The following KIF13B variants were observed in gnomAD, a reference collection of about 807,000 sequenced individuals.
KIF13B encodes kinesin family member 13B.
A neutral mutation model predicts 222.0 loss-of-function variants in KIF13B; 127 were observed. That is an observed-to-expected ratio of 0.57 (90% confidence interval 0.50 to 0.66). KIF13B has a LOEUF of 0.66. KIF13B is among the 30% of genes least tolerant of loss of function. The pLI is 0.00. For synonymous variants in KIF13B, 976 were observed against 919.0 expected (o/e 1.06, Z -1.12); for missense variants, 2,173 against 2,379.0 (o/e 0.91, Z 1.80).
At chr8:29,116,459 ACT>A (rs1221095988) in intron 31 of KIF13B, among the ~76,000 whole-genome samples, 1 of 151,554 alleles carries the variant, frequency 6.6e-6, no homozygotes, top group Non-Finnish European at 1.5e-5. Context: ...ACAGAGCAAG[ACT>A]CTATCTTAAA....
rs746177089 is a variant in KIF13B, at chr8:29,092,774, C to T, written c.4429G>A (p.Gly1477Ser). 33 of 1,613,304 alleles carry T rather than the reference C, an allele frequency of 2.0e-5. No individual in the cohort carries two copies. The highest frequency in any genetic ancestry group is 2.8e-5 in the Non-Finnish European group (33 of 1,179,714). ...SLFPVRDEKR[G>S]KRPSPLAHQP... ...TGTGCGAGGGGAGACGGCCGCTTGC[C>T]CCTCTTCTCATCGCGGACGGGAAAG... The change falls in exon 37 of 40, where the codon GGC becomes AGC. Residue 1477 changes from glycine (G) to serine (S), a missense_variant. Gly to Ser is a moderately conservative substitution (Grantham distance 56). Transcript: ENST00000524189.
intron 2 of KIF13B, 131 bp from the exon 3 acceptor site, chr8:29,196,330 A>G (rs1008633819): frequency 1.3e-6 from 1 of 759,538 alleles, no homozygotes; most frequent in African/African-American, 1.8e-5. Context: ...AAGAATATAA[A>G]ATAATACCTT....
intron 3 of KIF13B, among the ~76,000 whole-genome samples, chr8:29,194,106 G>A (rs1437382108): frequency 2.0e-5 from 3 of 151,778 alleles, no homozygotes; most frequent in Non-Finnish European, 2.9e-5. Flanking sequence ...TTACAGGCAT[G>A]AGCCACCGCG....
intron 29 of KIF13B, among the ~76,000 whole-genome samples, chr8:29,120,185 T>A (rs1809796132): frequency 2.0e-5 from 3 of 149,780 alleles, no homozygotes; most frequent in South Asian, 2.1e-4. Context: ...TTTTTTTTTT[T>A]TTTTTTATTA....
intron 21 of KIF13B, among the ~76,000 whole-genome samples, chr8:29,136,069 G>C (rs1810542475): frequency 6.6e-6 from 1 of 152,094 alleles, no homozygotes; most frequent in Admixed American, 6.5e-5. Context: ...CACCTAGATA[G>C]CTACTTCCTG....
chr8:29,253,538 A>T (rs1816357393), intron 1 of KIF13B, among the ~76,000 whole-genome samples: 2 of 152,178 alleles, frequency 1.3e-5, no homozygotes, highest in Admixed American at 1.3e-4. Context: ...CCTGGGCAAC[A>T]GAATGAGACT....
intron 6 of KIF13B, among the ~76,000 whole-genome samples, chr8:29,183,031 A>G (rs555999307): frequency 6.6e-6 from 1 of 152,290 alleles, no homozygotes; most frequent in African/African-American, 2.4e-5. Context: ...ATTATAAAAA[A>G]GAATGTCAAT....
intron 3 of KIF13B, among the ~76,000 whole-genome samples, chr8:29,193,019 T>C (rs1813256800): frequency 6.6e-6 from 1 of 152,126 alleles, no homozygotes; most frequent in Non-Finnish European, 1.5e-5. Context: ...CAGATAACCC[T>C]GGCAGCAACC....
intron 11 of KIF13B, among the ~76,000 whole-genome samples, chr8:29,166,721 A>G (rs1000306618): frequency 3.3e-5 from 5 of 151,498 alleles, no homozygotes; most frequent in African/African-American, 7.3e-5. Flanking sequence ...AAAAAAAAAA[A>G]GTAGGAATCC....
At chr8:29,228,122 A>C (rs1485082388) in intron 2 of KIF13B, among the ~76,000 whole-genome samples, 2 of 151,720 alleles carry the variant, frequency 1.3e-5, no homozygotes, top group Admixed American at 6.6e-5. Flanking sequence ...TGTTAGAAAT[A>C]ATTTTTCACT....
At chr8:29,212,905 T>C (rs1814295766) in intron 2 of KIF13B, among the ~76,000 whole-genome samples, 1 of 151,372 alleles carries the variant, frequency 6.6e-6, no homozygotes, top group East Asian at 1.9e-4. Context: ...AGTTTCTAAC[T>C]ATTTAAGCAT....
intron 1 of KIF13B, among the ~76,000 whole-genome samples, chr8:29,255,108 G>A (rs1816427777): frequency 6.6e-6 from 1 of 152,194 alleles, no homozygotes; most frequent in African/African-American, 2.4e-5. Context: ...TCAGGAAGTA[G>A]ATTAGTGGTT....
At chr8:29,103,131 A>T (rs973022222) in intron 35 of KIF13B, among the ~76,000 whole-genome samples, 2 of 151,468 alleles carry the variant, frequency 1.3e-5, no homozygotes, top group African/African-American at 2.4e-5. Flanking sequence ...AGTCCCAGCT[A>T]CTCGGGAGGC....
At chr8:29,092,647 C>T (rs1357181847) in intron 37 of KIF13B, 98 bp downstream of exon 37, 2 of 1,352,932 alleles carry the variant, frequency 1.5e-6, no homozygotes, top group Admixed American at 2.9e-5. Flanking sequence ...CAGTTTAGCC[C>T]CAACCCAGAG....
intron 21 of KIF13B, among the ~76,000 whole-genome samples, chr8:29,135,529 G>A (rs1435823347): frequency 6.6e-6 from 1 of 152,150 alleles, no homozygotes; most frequent in Non-Finnish European, 1.5e-5. Context: ...CGTTCTGCAT[G>A]TTGTATGATT....
At position 29,126,088 on chromosome 8, in the gene KIF13B, A is replaced by C. The variant is rs530761442; in HGVS notation, c.3252+394T>G. ...GGCAACAGGGTGAGACTCTGTCACAAAAAAAAAAACAAAAACAAACAAAAA... is the reference window on the plus strand; with the variant it reads ...GGCAACAGGGTGAGACTCTGTCACACAAAAAAAAACAAAAACAAACAAAAA... On this transcript the variant is annotated intron_variant, in intron 26 of 39. Transcript: ENST00000524189. 6.2e-4 allele frequency among the ~76,000 whole-genome samples: 93 copies of C among 150,832 alleles called. No individual in the cohort carries two copies. In the East Asian group the frequency reaches 7.3e-3, roughly 12 times the overall value.
intron 2 of KIF13B, among the ~76,000 whole-genome samples, chr8:29,199,574 CAAAAAAAAA>C (rs10579222): frequency 6.7e-5 from 8 of 119,456 alleles, no homozygotes; most frequent in African/African-American, 2.2e-4. Context: ...TTCCAAAATC[CAAAAAAAAA>C]AAAAAAAAAA....
chr8:29,190,636 G>A (rs1813136169), intron 4 of KIF13B: 1 of 208,176 alleles, frequency 4.8e-6, no homozygotes, highest in South Asian at 1.0e-4. Context: ...GAGGTTGTGG[G>A]AACCCTAATT....
At chr8:29,121,583 A>G (rs113899900) in intron 29 of KIF13B, among the ~76,000 whole-genome samples, 2,412 of 120,860 alleles carry the variant, frequency 0.02, 70 homozygotes, top group African/African-American at 0.065. Flanking sequence ...TTAAACGTTA[A>G]ACCTAAAACC....
Sources: gnomAD v4.1 joint callset for allele counts (sites outside exome capture counted in the v4.1 genomes callset) on GRCh38, gnomAD v4.1.1 for gene constraint, MANE v1.5 for transcripts, NCBI Gene and HGNC (gene_info 2026-07-23, HGNC 2026-07-21) for gene names.